MLANA: variants seen among roughly 807,000 people sequenced by gnomAD.
MLANA encodes melanoma antigen recognized by T-cells 1.
In MLANA, 21 loss-of-function variants were observed where a neutral mutation model predicts 15.7. The ratio of observed to expected loss-of-function variants is 1.33; its 90% CI spans 0.95 to 1.92. The LOEUF (loss-of-function observed/expected upper bound fraction) is 1.92. MLANA is among the 40% of genes most tolerant of loss of function. MLANA has a pLI of 0.00. For synonymous variants in MLANA, 56 were observed against 51.5 expected, an observed-to-expected ratio of 1.09 and a Z score of -0.37; for missense variants, 164 against 143.8, an observed-to-expected ratio of 1.14 and a Z score of -0.72.
rs1485813231 is a variant in MLANA, at chr9:5,894,532, G to C, written c.77+1981G>C. Among the ~76,000 whole-genome samples, 1 of 152,130 alleles carries C rather than the reference G, an allele frequency of 6.6e-6. No homozygotes were observed. Among genetic ancestry groups the C allele is most frequent in the Non-Finnish European group, 1.5e-5 (1 of 68,026 alleles). ...GATCTCTAAGGAGAGATTTTTGTTT[G>C]GCTGGTTCTGGTGTCTCAAGAGCTT... On this transcript the variant is annotated intron_variant, in intron 2 of 4. Transcript: ENST00000381477. This position sits in a 1 kb window ranked among gnomAD's most constrained non-coding sequence, Gnocchi z 4.0.
At chr9:5,898,749 T>C (rs1832210959) in intron 3 of MLANA, among the ~76,000 whole-genome samples, 2 of 152,166 alleles carry the variant, frequency 1.3e-5, no homozygotes, top group African/African-American at 4.8e-5. Context: ...CTTTTCTTCT[T>C]CACCCCTTTC....
In MLANA at chr9:5,904,911, C is replaced by T. The variant is rs545069031; in HGVS notation, c.175-1974C>T. Among the ~76,000 whole-genome samples, 137 of 151,946 alleles carry T rather than the reference C, an allele frequency of 9.0e-4. 1 individual carries two copies. Among genetic ancestry groups the T allele is most frequent in the Non-Finnish European group, 1.4e-3 (98 of 67,928 alleles). ...GACTCAGCCTCCCAAGTAGCTGGGA[C>T]TACAGGTGCCCGCTACCATGCCTGG... is the stretch of plus-strand genomic sequence containing the variant. On this transcript the variant is annotated intron_variant, in intron 3 of 4. Coordinates refer to ENST00000381477, the MANE Select transcript of MLANA (RefSeq NM_005511.2).
At chr9:5,905,200 T>C (rs953383151) in intron 3 of MLANA, among the ~76,000 whole-genome samples, 2 of 152,198 alleles carry the variant, frequency 1.3e-5, no homozygotes, top group Admixed American at 1.3e-4. Context: ...CTTAAAATAA[T>C]CCTAATTCCT....
chr9:5,892,397 T>C, intron 1 of MLANA, 53 bp from the exon 2 acceptor site: 7 of 1,322,432 alleles, frequency 5.3e-6, no homozygotes, highest in African/African-American at 1.5e-5. Flanking sequence ...TATGAGATGA[T>C]GAATAGGGTG....
In MLANA at chr9:5,908,623, C is replaced by G; in HGVS notation, c.289-17C>G. ...CACTGTTGCCAAGCCCATATTCTCC[C>G]TTTCTTGTTCTCACAGGTTCCCAAT... is the stretch of plus-strand genomic sequence containing the variant. On this transcript the variant is annotated splice_polypyrimidine_tract_variant and intron_variant, in intron 4 of 4. Transcript: ENST00000381477. The G allele has an allele frequency of 6.2e-7, 1 of 1,611,598 alleles. No homozygotes were observed. The highest frequency in any genetic ancestry group is 8.5e-7 in the Non-Finnish European group (1 of 1,177,708).
chr9:5,892,997 C>T (rs573651973), intron 2 of MLANA, among the ~76,000 whole-genome samples: 9 of 152,146 alleles, frequency 5.9e-5, no homozygotes, highest in African/African-American at 1.9e-4. Context: ...CAGCCAGACT[C>T]GAGAGGAAGA....
At chr9:5,906,323 C>G (rs981385676) in intron 3 of MLANA, among the ~76,000 whole-genome samples, 8 of 121,846 alleles carry the variant, frequency 6.6e-5, no homozygotes, top group Non-Finnish European at 1.5e-4. Flanking sequence ...GAGTGAGACT[C>G]TGTCTCAAAA....
At chr9:5,897,363 A>G (rs1164237821) in intron 2 of MLANA, among the ~76,000 whole-genome samples, 194 bp from the exon 3 acceptor site, 1 of 152,202 alleles carries the variant, frequency 6.6e-6, no homozygotes, top group Non-Finnish European at 1.5e-5. Flanking sequence ...AGAGGCTCCT[A>G]AAGACCTGGG....
intron 3 of MLANA, among the ~76,000 whole-genome samples, chr9:5,905,898 C>T (rs530649059): frequency 6.6e-6 from 1 of 152,340 alleles, no homozygotes; most frequent in East Asian, 1.9e-4. Context: ...ACAGAATAAA[C>T]CTCTTTAAAA....
chr9:5,907,967 T>A (rs535717085), intron 4 of MLANA, among the ~76,000 whole-genome samples: 101 of 152,090 alleles, frequency 6.6e-4, no homozygotes, highest in African/African-American at 2.4e-3. Flanking sequence ...AATAAATAAA[T>A]AAAATAAAAT....
rs142544535 is a variant in MLANA, at chr9:5,897,631, G to A, written c.152G>A (p.Arg51Gln). 21 of 1,613,904 alleles carry A rather than the reference G, an allele frequency of 1.3e-5. No homozygotes were observed. The highest frequency in any genetic ancestry group is 4.0e-5 in the African/African-American group (3 of 74,930). ...LLIGCWYCRR[R>Q]NGYRALMDKS... ...ATCGGCTGTTGGTATTGTAGAAGAC[G>A]AAATGGATACAGAGCCTTGATGGTT... The change falls in exon 3 of 5, where the codon CGA becomes CAA. Residue 51 changes from arginine (R) to glutamine (Q), a missense_variant. Physicochemically the swap from Arg to Gln is conservative, Grantham distance 43 (BLOSUM62 1). Transcript: ENST00000381477.
chr9:5,903,549 A>G (rs1057067432), intron 3 of MLANA, among the ~76,000 whole-genome samples: 1 of 152,038 alleles, frequency 6.6e-6, no homozygotes, highest in Non-Finnish European at 1.5e-5. Context: ...CTGATTTTTT[A>G]CCTGCTGGCT....
intron 4 of MLANA, among the ~76,000 whole-genome samples, chr9:5,908,354 T>A (rs1435948019): frequency 2.0e-5 from 3 of 152,232 alleles, no homozygotes; most frequent in Non-Finnish European, 4.4e-5. Flanking sequence ...AATGATTCGT[T>A]AGTTAGGGCT....
intron 3 of MLANA, among the ~76,000 whole-genome samples, chr9:5,905,261 G>T (rs1672116734): frequency 6.6e-6 from 1 of 152,028 alleles, no homozygotes; most frequent in African/African-American, 2.4e-5. Flanking sequence ...CAACTGAATG[G>T]ACCCCCTCTT....
intron 2 of MLANA, among the ~76,000 whole-genome samples, chr9:5,893,970 A>G (rs77169831): frequency 0.057 from 8,292 of 146,274 alleles, 731 homozygotes; most frequent in African/African-American, 0.19. Flanking sequence ...AAATGAAGAA[A>G]GGTTTAGAGA....
At chr9:5,893,351 T>C (rs1831781177) in intron 2 of MLANA, among the ~76,000 whole-genome samples, 1 of 152,276 alleles carries the variant, frequency 6.6e-6, no homozygotes, top group Admixed American at 6.5e-5. Context: ...GACAACACCC[T>C]CTTATGTGGT....
At chr9:5,905,347 T>C (rs933421438) in intron 3 of MLANA, among the ~76,000 whole-genome samples, 1 of 152,170 alleles carries the variant, frequency 6.6e-6, no homozygotes, top group African/African-American at 2.4e-5. Context: ...GATGCCTCAT[T>C]ATACTCCCTC....
At chr9:5,897,981 G>C in intron 3 of MLANA, 1 of 260,152 alleles carries the variant, frequency 3.8e-6, no homozygotes, top group Non-Finnish European at 7.6e-6. Context: ...ACCTGGTGAG[G>C]ACTTCTTGCT....
chr9:5,891,115 A>T (rs962799097), intron 1 of MLANA, 179 bp downstream of exon 1: 15 of 152,210 alleles, frequency 9.9e-5, no homozygotes, highest in African/African-American at 3.4e-4. Context: ...CTCCTCCTGA[A>T]TCCTCTCTCA....
Sources: gnomAD v4.1 joint callset for allele counts (sites outside exome capture counted in the v4.1 genomes callset) on GRCh38, gnomAD v4.1.1 for gene constraint, Gnocchi (gnomAD v3.1) non-coding constraint, MANE v1.5 for transcripts, NCBI Gene and HGNC (gene_info 2026-07-23, HGNC 2026-07-21) for gene names.